The following CTPS2 variants were observed in gnomAD, a reference collection of about 807,000 sequenced individuals.
CTPS2 encodes the protein CTP synthase 2.
A neutral mutation model predicts 46.8 loss-of-function variants in CTPS2; 19 were observed. That is an observed-to-expected ratio of 0.41 (90% CI 0.28 to 0.60). The LOEUF (loss-of-function observed/expected upper bound fraction) is 0.60, where lower values mean the gene tolerates loss of function less well. CTPS2 is among the 20% of genes least tolerant of loss of function. The pLI is 0.35. For missense variants in CTPS2, 286 were observed against 447.6 expected (o/e 0.64, Z 3.26); for synonymous variants, 151 against 165.2 (o/e 0.91, Z 0.66).
chrX:16,626,296 C>A (rs1006275435), intron 14 of CTPS2, among the ~76,000 whole-genome samples: 1 of 111,002 alleles, frequency 9.0e-6, no homozygotes, highest in South Asian at 3.9e-4. Flanking sequence ...GCAGGAGAAT[C>A]GCTTGAACCT....
chrX:16,595,723 T>G (rs1036037868), intron 17 of CTPS2, among the ~76,000 whole-genome samples: 3 of 112,426 alleles, frequency 2.7e-5, no homozygotes, highest in Non-Finnish European at 3.8e-5. Context: ...CATGTGCGCC[T>G]AGTGCCTACC....
At chrX:16,675,920 C>A (rs192246847) in intron 10 of CTPS2, among the ~76,000 whole-genome samples, 1 of 111,892 alleles carries the variant, frequency 8.9e-6, no homozygotes, top group Non-Finnish European at 1.9e-5. Flanking sequence ...TAAAATGTTG[C>A]TGATCCTTTT....
In CTPS2 at chrX:16,712,493, G is replaced by A. The variant is rs1361355290; in HGVS notation, c.-198C>T. ...CTTCCCACCGCCCACACGGGCCTCG[G>A]GGTGCGCGGCGCCCTCCTCGCCCAC... On this transcript the variant is annotated 5_prime_UTR_variant, in exon 1 of 19. Coordinates refer to ENST00000359276, the MANE Select transcript of CTPS2 (RefSeq NM_175859.3). The A allele has an allele frequency of 8.9e-6, 1 of 112,944 alleles. No homozygotes were observed. Among genetic ancestry groups the A allele is most frequent in the Non-Finnish European group, 1.9e-5 (1 of 53,275 alleles). 9.3% of individuals were successfully genotyped at this position (112,944 alleles called of 1,213,427 possible).
chrX:16,664,128 G>A (rs191068643), intron 13 of CTPS2, among the ~76,000 whole-genome samples: 240 of 112,132 alleles, frequency 2.1e-3, no homozygotes, highest in Middle Eastern at 4.6e-3. Context: ...GAGCCACTGC[G>A]CCCGGCCATG....
chrX:16,642,601 G>A (rs1276656180), intron 13 of CTPS2, among the ~76,000 whole-genome samples: 1 of 111,675 alleles, frequency 9.0e-6, no homozygotes, highest in African/African-American at 3.3e-5. Context: ...GCCCAAGCCT[G>A]ACACACCAGC....
intron 10 of CTPS2, among the ~76,000 whole-genome samples, chrX:16,671,480 C>A (rs1191862685): frequency 9.8e-6 from 1 of 102,189 alleles, no homozygotes; most frequent in East Asian, 3.1e-4. Context: ...ATACTGAGTA[C>A]GTGGTGGGGT....
chrX:16,664,601 T>C (rs996384907), intron 13 of CTPS2, among the ~76,000 whole-genome samples: 3 of 111,664 alleles, frequency 2.7e-5, no homozygotes, highest in Non-Finnish European at 5.6e-5. Flanking sequence ...GCTTTACTTA[T>C]ATGTAAAAAA....
At chrX:16,611,258 C>T (rs957163942) in intron 16 of CTPS2, among the ~76,000 whole-genome samples, 7 of 111,417 alleles carry the variant, frequency 6.3e-5, no homozygotes, top group Non-Finnish European at 9.4e-5. Flanking sequence ...CGAGACCAGC[C>T]GGGGCAATAT....
intron 16 of CTPS2, among the ~76,000 whole-genome samples, chrX:16,614,556 T>A (rs1354324694): frequency 8.9e-6 from 1 of 112,386 alleles, no homozygotes; most frequent in Non-Finnish European, 1.9e-5. Context: ...GGTAAATATT[T>A]CAGGCTTTGT....
At position 16,617,170 on chromosome X, in the gene CTPS2, A is replaced by T. The variant is rs1346300345; in HGVS notation, c.1526T>A (p.Met509Lys). ...CTTACTTGCCAGTTCAATGATTTCCATCCTGTCTCCATCAACATCCTGACC... is the reference window on the plus strand; with the variant it reads ...CTTACTTGCCAGTTCAATGATTTCCTTCCTGTCTCCATCAACATCCTGACC... Reference protein sequence around the residue: ...FVGQDVDGDRMEIIELANHPY... With the variant: ...FVGQDVDGDRKEIIELANHPY... The change falls in exon 16 of 19, where the codon ATG (methionine) becomes AAG (lysine). Residue 509 changes from methionine to lysine, a missense_variant. By Grantham distance (95) the Met-to-Lys change is moderately conservative. Coordinates refer to ENST00000359276, the MANE Select transcript of CTPS2 (RefSeq NM_175859.3). 2.5e-6 allele frequency: 3 copies of T among 1,208,716 alleles called. 1 individual carries two copies. Among genetic ancestry groups the T allele is most frequent in the Middle Eastern group, 2.3e-4 (1 of 4,344 alleles).
intron 11 of CTPS2, among the ~76,000 whole-genome samples, chrX:16,669,942 G>A (rs765069975): frequency 6.3e-5 from 7 of 110,800 alleles, no homozygotes; most frequent in Admixed American, 9.6e-5. Flanking sequence ...GGCTCAACTC[G>A]GCCGGGCACG....
chrX:16,619,726 G>A (rs762424984), intron 15 of CTPS2, among the ~76,000 whole-genome samples: 6 of 111,757 alleles, frequency 5.4e-5, no homozygotes, highest in East Asian at 5.6e-4. Flanking sequence ...TGGCATAGAC[G>A]ATCTACATTT....
intron 13 of CTPS2, among the ~76,000 whole-genome samples, chrX:16,656,874 T>C (rs1357676353): frequency 1.1e-5 from 1 of 88,974 alleles, no homozygotes; most frequent in Non-Finnish European, 2.4e-5. Context: ...TTTTTTTGTG[T>C]TTTTTTGTTT....
chrX:16,680,519 C>T (rs1456981428), intron 9 of CTPS2, among the ~76,000 whole-genome samples: 1 of 99,157 alleles, frequency 1.0e-5, no homozygotes. Flanking sequence ...CGCACCACTG[C>T]ACTCCACCCT....
chrX:16,664,443 TA>T (rs907015746), intron 13 of CTPS2, among the ~76,000 whole-genome samples: 7 of 109,407 alleles, frequency 6.4e-5, no homozygotes, highest in African/African-American at 2.0e-4. Flanking sequence ...TTACAAGCTA[TA>T]AAAAAAAAGA....
intron 17 of CTPS2, among the ~76,000 whole-genome samples, chrX:16,601,624 G>A (rs910915643): frequency 7.4e-5 from 8 of 108,152 alleles, no homozygotes; most frequent in East Asian, 5.9e-4. Flanking sequence ...CATTCCAACC[G>A]CAGAAGACGG....
rs1208504586 is a variant in CTPS2, at chrX:16,673,352, CTG to C, written c.1095-2680_1095-2679del. The stretch of plus-strand genomic sequence containing the variant: ...CAATAACAAACTTTGCTGTAGGTCC[CTG>C]AAGAAAAACTAGATAAGGGTTCCCT... On this transcript the variant is annotated intron_variant, in intron 10 of 18. Transcript: ENST00000359276. Among the ~76,000 whole-genome samples the C allele has an allele frequency of 2.3e-3, 254 of 111,360 alleles. 4 individuals are homozygous for C. The highest frequency in any genetic ancestry group is 0.021 in the Admixed American group (214 of 10,436).
intron 1 of CTPS2, among the ~76,000 whole-genome samples, chrX:16,708,813 T>A (rs1925214932): frequency 8.9e-6 from 1 of 112,062 alleles, no homozygotes; most frequent in Non-Finnish European, 1.9e-5. Flanking sequence ...CTGGCATACA[T>A]TCGTACAAGT....
intron 14 of CTPS2, among the ~76,000 whole-genome samples, chrX:16,633,414 A>G (rs1309690194): frequency 2.7e-5 from 3 of 111,655 alleles, no homozygotes; most frequent in Non-Finnish European, 5.6e-5. Context: ...TTTACATTTT[A>G]AATTGGTTGA....
Sources: gnomAD v4.1 joint callset for allele counts (sites outside exome capture counted in the v4.1 genomes callset) on GRCh38, gnomAD v4.1.1 for gene constraint, MANE v1.5 for transcripts, NCBI Gene and HGNC (gene_info 2026-07-23, HGNC 2026-07-21) for gene names.